PTPRD: variants seen among roughly 807,000 people sequenced by gnomAD.
PTPRD encodes protein tyrosine phosphatase receptor type D, also known as receptor-type tyrosine-protein phosphatase delta.
Under a neutral mutation model 214.5 loss-of-function variants are expected in PTPRD, and 34 were observed. That is an observed-to-expected ratio of 0.16 (90% CI 0.12 to 0.21). PTPRD has a LOEUF of 0.21. Ranked by LOEUF, PTPRD falls within the 10% of genes least tolerant of loss-of-function variation. PTPRD has a pLI of 1.00. For synonymous variants in PTPRD, 1,128 were observed against 845.7 expected, an observed-to-expected ratio of 1.33 and a Z score of -5.79; for missense variants, 2,545 against 2,398.7, an observed-to-expected ratio of 1.06 and a Z score of -1.27.
At chr9:9,033,728 G>C (rs1016090415) in intron 10 of PTPRD, among the ~76,000 whole-genome samples, 1 of 151,592 alleles carries the variant, frequency 6.6e-6, no homozygotes, top group Non-Finnish European at 1.5e-5. Context: ...ATTCTCTCTT[G>C]GGTTTAGTTA....
intron 44 of PTPRD, among the ~76,000 whole-genome samples, chr9:8,330,504 T>TCCATGTGTCATTTCCTACAAGCTC (rs1839159708): frequency 2.0e-5 from 3 of 152,198 alleles, no homozygotes; most frequent in Non-Finnish European, 2.9e-5. Context: ...TGTATTTGAT[T>TCCATGTGTCATTTCCTACAAGCTC]CCATGTGTCA....
intron 6 of PTPRD, among the ~76,000 whole-genome samples, chr9:9,757,874 T>C (rs992373728): frequency 6.6e-6 from 1 of 152,140 alleles, no homozygotes; most frequent in African/African-American, 2.4e-5. Context: ...CCTGCCATTA[T>C]TGACTTCACT....
intron 4 of PTPRD, among the ~76,000 whole-genome samples, chr9:9,954,154 G>A (rs1340666574): frequency 6.6e-6 from 1 of 151,654 alleles, no homozygotes; most frequent in Non-Finnish European, 1.5e-5. Flanking sequence ...AAATTAGCTG[G>A]GTGTGGTGGT....
intron 6 of PTPRD, among the ~76,000 whole-genome samples, chr9:9,762,009 A>G (rs10977960): frequency 0.26 from 39,791 of 152,088 alleles, 6,078 homozygotes; most frequent in South Asian, 0.39. Context: ...ATTCTGGAGG[A>G]GAGAAAGTCC....
intron 3 of PTPRD, among the ~76,000 whole-genome samples, chr9:10,309,936 G>C (rs1406080714): frequency 6.6e-6 from 1 of 151,890 alleles, no homozygotes; most frequent in Non-Finnish European, 1.5e-5. Flanking sequence ...CTTTTCTTTT[G>C]TTCCAAAATG....
intron 3 of PTPRD, among the ~76,000 whole-genome samples, chr9:10,155,152 G>A (rs1273747023): frequency 6.6e-6 from 1 of 152,016 alleles, no homozygotes; most frequent in East Asian, 1.9e-4. Context: ...TCATTCTAGA[G>A]CTCTTTCACC....
At chr9:9,114,611 G>T (rs1003778955) in intron 10 of PTPRD, among the ~76,000 whole-genome samples, 1 of 152,020 alleles carries the variant, frequency 6.6e-6, no homozygotes, top group Non-Finnish European at 1.5e-5. Flanking sequence ...GGGACTTTAT[G>T]GTCCTGAGGA....
intron 2 of PTPRD, among the ~76,000 whole-genome samples, chr9:10,606,308 A>G (rs952903439): frequency 9.9e-5 from 15 of 151,846 alleles, no homozygotes; most frequent in African/African-American, 3.6e-4. Flanking sequence ...GCGTGAGATT[A>G]ATGAGTCACT....
chr9:8,493,174 A>G (rs2097185895), intron 26 of PTPRD, among the ~76,000 whole-genome samples, 195 bp from the exon 27 acceptor site: 1 of 152,342 alleles, frequency 6.6e-6, no homozygotes, highest in Non-Finnish European at 1.5e-5. Flanking sequence ...ATCTTCAGGC[A>G]TCTTGGGAGG....
chr9:9,136,951 T>C (rs1330948039), intron 10 of PTPRD, among the ~76,000 whole-genome samples: 1 of 152,024 alleles, frequency 6.6e-6, no homozygotes, highest in Admixed American at 6.6e-5. Flanking sequence ...AGGGATAAAC[T>C]AGATCTCCAC....
chr9:10,594,802 G>A (rs2076256596), intron 2 of PTPRD, among the ~76,000 whole-genome samples: 1 of 151,938 alleles, frequency 6.6e-6, no homozygotes, highest in African/African-American at 2.4e-5. Context: ...AAAATATTTG[G>A]TGTCCTTGCA....
At chr9:9,611,537 C>G (rs1260916877) in intron 7 of PTPRD, among the ~76,000 whole-genome samples, 1 of 151,944 alleles carries the variant, frequency 6.6e-6, no homozygotes, top group Admixed American at 6.6e-5. Flanking sequence ...ATGTATAAAA[C>G]ATTTGGATGT....
intron 10 of PTPRD, among the ~76,000 whole-genome samples, chr9:9,179,534 C>G (rs1374824471): frequency 6.6e-6 from 1 of 152,078 alleles, no homozygotes; most frequent in South Asian, 2.1e-4. Context: ...TAAGCATCAA[C>G]AGTATTTTAA....
chr9:10,393,661 G>A (rs1238567372), intron 2 of PTPRD, among the ~76,000 whole-genome samples: 1 of 146,836 alleles, frequency 6.8e-6, no homozygotes, highest in African/African-American at 2.5e-5. Flanking sequence ...GAGAGAGAGA[G>A]AGAGAGACAC....
At chr9:9,205,431 C>T (rs773011344) in intron 9 of PTPRD, among the ~76,000 whole-genome samples, 6 of 151,998 alleles carry the variant, frequency 3.9e-5, no homozygotes, top group South Asian at 2.1e-4. Flanking sequence ...CATGGTAATG[C>T]GTTGCTTAGG....
intron 27 of PTPRD, 137 bp from the exon 28 acceptor site, chr9:8,486,486 T>C: frequency 1.2e-6 from 1 of 800,606 alleles, no homozygotes. Flanking sequence ...AGGCAATGTT[T>C]GACCTACATA....
At position 9,958,968 on chromosome 9, in the gene PTPRD, T is replaced by C. The variant is rs185861262; in HGVS notation, c.-471-20358A>G. 3.7e-4 allele frequency among the ~76,000 whole-genome samples: 57 copies of C among 152,238 alleles called. 1 individual carries two copies. Among genetic ancestry groups the C allele is most frequent in the Admixed American group, 3.1e-3 (48 of 15,286 alleles). ...TGGGCTTTTAAAACTACACATAGTC[T>C]TACCATAAAATCAAACAATCTTGCT... On this transcript the variant is annotated intron_variant, in intron 4 of 45. Transcript: ENST00000381196.
At chr9:8,799,831 T>A (rs1195075073) in intron 11 of PTPRD, among the ~76,000 whole-genome samples, 2 of 152,058 alleles carry the variant, frequency 1.3e-5, no homozygotes, top group African/African-American at 4.8e-5. Flanking sequence ...AATGTTTTGA[T>A]CTCCCAACTC....
At chr9:9,485,455 C>T (rs2095588672) in intron 8 of PTPRD, among the ~76,000 whole-genome samples, 1 of 152,156 alleles carries the variant, frequency 6.6e-6, no homozygotes, top group East Asian at 1.9e-4. Flanking sequence ...GATCACTTTG[C>T]TTAGTGCATA....
Sources: allele counts gnomAD v4.1 joint callset (sites outside exome capture counted in the v4.1 genomes callset), GRCh38; gene constraint gnomAD v4.1.1; transcripts MANE v1.5; gene names NCBI Gene and HGNC (gene_info 2026-07-23, HGNC 2026-07-21).